The following BBX variants were observed in gnomAD, a reference collection of about 807,000 sequenced individuals.
The protein encoded by BBX is HMG box transcription factor BBX.
BBX carries 30 observed loss-of-function variants against 100.2 expected under a neutral mutation model. The observed-to-expected ratio is 0.30, with a 90% CI of 0.22 to 0.41. The LOEUF is 0.41. BBX is among the 10% of genes least tolerant of loss of function. BBX has a pLI of 1.00. For synonymous variants in BBX, 376 were observed against 388.1 expected (o/e 0.97, Z 0.37); for missense variants, 1,023 against 1,129.8 (o/e 0.91, Z 1.35).
At chr3:107,576,339 T>G (rs1253949855) in intron 2 of BBX, among the ~76,000 whole-genome samples, 1 of 152,240 alleles carries the variant, frequency 6.6e-6, no homozygotes, top group Non-Finnish European at 1.5e-5. Context: ...GGCACAAATG[T>G]GATTTTTTCA....
At chr3:107,793,856 C>CT (rs1250783219) in intron 15 of BBX, among the ~76,000 whole-genome samples, 4 of 151,800 alleles carry the variant, frequency 2.6e-5, no homozygotes, top group Non-Finnish European at 4.4e-5. Context: ...TGCAATCTTT[C>CT]TTTTTTTTCA....
rs2071223253 is a variant in BBX at position 107,809,930 on chromosome 3, A to T, written c.*4473A>T. The stretch of plus-strand genomic sequence containing the variant: ...TAGATTGACTAACAGCATACTTACA[A>T]TTTTAAAAGAAGCTGTTGTTCAGTT... On this transcript the variant is annotated 3_prime_UTR_variant, in exon 18 of 18. Coordinates refer to ENST00000325805, the MANE Select transcript of BBX (RefSeq NM_001142568.3). The T allele has an allele frequency of 6.6e-6, 1 of 152,190 alleles. No homozygotes were observed. Among genetic ancestry groups the T allele is most frequent in the African/African-American group, 2.4e-5 (1 of 41,448 alleles). 9.4% of individuals were successfully genotyped at this position (152,190 alleles called of 1,614,324 possible).
chr3:107,781,976 T>G (rs1229255111), intron 13 of BBX, among the ~76,000 whole-genome samples: 1 of 152,172 alleles, frequency 6.6e-6, no homozygotes, highest in Non-Finnish European at 1.5e-5. Context: ...ACTTTCAGTC[T>G]TACAGAGCCG....
intron 2 of BBX, among the ~76,000 whole-genome samples, chr3:107,571,892 C>A (rs975476203): frequency 6.6e-6 from 1 of 152,194 alleles, no homozygotes; most frequent in Non-Finnish European, 1.5e-5. Context: ...ATGTGTGGTA[C>A]GTATGTGCAT....
In BBX at chr3:107,804,654, G is replaced by A. The variant is rs192197242; in HGVS notation, c.2739-716G>A. On this transcript the variant is annotated intron_variant, in intron 17 of 17. Transcript: ENST00000325805. Reference sequence around the variant, plus strand: ...GATGAAAATTTCCATGAATTTTCTAGTCCTGTCTGGAGTTCTCCCTCCATG... The same window carrying A: ...GATGAAAATTTCCATGAATTTTCTAATCCTGTCTGGAGTTCTCCCTCCATG... Among the ~76,000 whole-genome samples, 26 of 152,254 alleles carry A rather than the reference G, an allele frequency of 1.7e-4. 1 individual carries two copies. The East Asian group carries it at 4.8e-3, about 28-fold the overall frequency.
intron 3 of BBX, among the ~76,000 whole-genome samples, chr3:107,697,122 ACTT>A (rs2060667320): frequency 6.6e-6 from 1 of 151,572 alleles, no homozygotes. Context: ...AAAGTTTTCA[ACTT>A]CTTTGCCTTT....
rs150555135 is a variant in BBX, at chr3:107,670,477, T to C, written c.-10+24568T>C. Among the ~76,000 whole-genome samples the C allele has an allele frequency of 1.8e-4, 27 of 152,156 alleles. No homozygotes were observed. The East Asian group carries it at 4.0e-3, about 23-fold the overall frequency. On this transcript the variant is annotated intron_variant, in intron 3 of 17. Coordinates refer to ENST00000325805, the MANE Select transcript of BBX (RefSeq NM_001142568.3). ...AATGTTTAGGACAATGGATATGCAA[T>C]AATTACCCTGATCTGATTACTATAC...
chr3:107,560,059 G>A (rs2050370365), intron 2 of BBX, among the ~76,000 whole-genome samples: 1 of 151,990 alleles, frequency 6.6e-6, no homozygotes, highest in South Asian at 2.1e-4. Context: ...TAGAATTCTT[G>A]GTCTCTTAAC....
chr3:107,712,974 A>G (rs2107331210), intron 4 of BBX, among the ~76,000 whole-genome samples: 1 of 152,238 alleles, frequency 6.6e-6, no homozygotes, highest in East Asian at 1.9e-4. Context: ...GCATATTGGT[A>G]TCTCATATTA....
intron 2 of BBX, among the ~76,000 whole-genome samples, chr3:107,595,986 A>C (rs2053643762): frequency 6.6e-6 from 1 of 152,156 alleles, no homozygotes; most frequent in African/African-American, 2.4e-5. Flanking sequence ...ATTTTGTCTT[A>C]ATTTTTTTGA....
At chr3:107,795,604 C>T (rs990158128) in intron 15 of BBX, among the ~76,000 whole-genome samples, 1 of 146,528 alleles carries the variant, frequency 6.8e-6, no homozygotes, top group African/African-American at 2.5e-5. Context: ...TGAGAACCTC[C>T]GACGTAGTCT....
chr3:107,746,751 A>G (rs1340534315), intron 8 of BBX, among the ~76,000 whole-genome samples: 1 of 152,096 alleles, frequency 6.6e-6, no homozygotes, highest in Admixed American at 6.6e-5. Context: ...ACACTATGCC[A>G]GCCTCCTGAT....
intron 2 of BBX, among the ~76,000 whole-genome samples, chr3:107,588,230 G>T (rs1288229804): frequency 6.6e-6 from 1 of 152,050 alleles, no homozygotes; most frequent in African/African-American, 2.4e-5. Flanking sequence ...GAGGGGAGGT[G>T]TATGAGCCAG....
chr3:107,742,677 T>C (rs1050262266), intron 7 of BBX, among the ~76,000 whole-genome samples: 8 of 152,160 alleles, frequency 5.3e-5, no homozygotes, highest in African/African-American at 1.7e-4. Flanking sequence ...TTAATAGATA[T>C]TCATTGTGCC....
intron 2 of BBX, among the ~76,000 whole-genome samples, chr3:107,551,197 A>C (rs1433854195): frequency 6.6e-6 from 1 of 152,250 alleles, no homozygotes; most frequent in Admixed American, 6.5e-5. Context: ...TGTGTTATAC[A>C]TACTCACATA....
At chr3:107,705,265 A>G (rs998597408) in intron 3 of BBX, among the ~76,000 whole-genome samples, 3 of 152,198 alleles carry the variant, frequency 2.0e-5, no homozygotes, top group African/African-American at 4.8e-5. Context: ...GTGGTATTTA[A>G]TGGGCCTCCC....
At chr3:107,548,168 A>G (rs2049380937) in intron 2 of BBX, among the ~76,000 whole-genome samples, 1 of 152,226 alleles carries the variant, frequency 6.6e-6, no homozygotes, top group Non-Finnish European at 1.5e-5. Flanking sequence ...GTCAGTATGA[A>G]CAAGGCACTT....
intron 2 of BBX, among the ~76,000 whole-genome samples, chr3:107,565,922 C>T (rs2050864617): frequency 2.0e-5 from 3 of 151,596 alleles, no homozygotes; most frequent in Admixed American, 2.0e-4. Context: ...ACCTATAATC[C>T]TAGCACTTTG....
At chr3:107,638,174 C>T (rs531290066) in intron 2 of BBX, among the ~76,000 whole-genome samples, 1 of 151,846 alleles carries the variant, frequency 6.6e-6, no homozygotes, top group East Asian at 1.9e-4. Context: ...ACCTCAGCCT[C>T]CCAAGTAGCT....
Sources: allele counts gnomAD v4.1 joint callset (sites outside exome capture counted in the v4.1 genomes callset), GRCh38; gene constraint gnomAD v4.1.1; transcripts MANE v1.5; gene names NCBI Gene and HGNC (gene_info 2026-07-23, HGNC 2026-07-21).